The following MAMLD1 variants were observed in gnomAD, a reference collection of about 807,000 sequenced individuals.
MAMLD1 encodes mastermind-like domain-containing protein 1.
In MAMLD1, 14 loss-of-function variants were observed where a neutral mutation model predicts 45.0. The observed-to-expected ratio is 0.31, with a 90% CI of 0.21 to 0.49. MAMLD1 has a LOEUF of 0.49. Ranked by LOEUF, MAMLD1 falls within the 20% of genes least tolerant of loss-of-function variation. MAMLD1 has a pLI of 0.99. For synonymous variants in MAMLD1, 254 were observed against 247.8 expected (o/e 1.02, Z -0.24); for missense variants, 543 against 603.6 (o/e 0.90, Z 1.05).
At chrX:150,381,359 C>T (rs782745800) in intron 1 of MAMLD1, among the ~76,000 whole-genome samples, 10 of 112,198 alleles carry the variant, frequency 8.9e-5, no homozygotes, top group Non-Finnish European at 1.5e-4. Flanking sequence ...CAGAGTTTAC[C>T]AGTTATACAT....
chrX:150,487,080 T>C (rs1353986951), intron 5 of MAMLD1, among the ~76,000 whole-genome samples: 2 of 111,721 alleles, frequency 1.8e-5, no homozygotes, highest in African/African-American at 6.5e-5. Flanking sequence ...TTGTAATAGA[T>C]TTCCAGGGGC....
At chrX:150,477,151 C>T (rs1453969226) in intron 5 of MAMLD1, among the ~76,000 whole-genome samples, 4 of 113,164 alleles carry the variant, frequency 3.5e-5, no homozygotes, top group Non-Finnish European at 5.6e-5. Context: ...GGTCCAAATC[C>T]CAGTTCTGCC....
At chrX:150,428,263 G>T (rs782467328) in intron 1 of MAMLD1, among the ~76,000 whole-genome samples, 1 of 111,894 alleles carries the variant, frequency 8.9e-6, no homozygotes, top group Non-Finnish European at 1.9e-5. Flanking sequence ...TCCACTTCCT[G>T]GGTCCACAAG....
intron 1 of MAMLD1, among the ~76,000 whole-genome samples, chrX:150,419,344 G>C (rs1299777802): frequency 1.3e-4 from 13 of 103,917 alleles, no homozygotes. Flanking sequence ...CTGCACATGA[G>C]ATGGGTTTCC....
At chrX:150,384,015 T>C (rs782479480) in intron 1 of MAMLD1, among the ~76,000 whole-genome samples, 3 of 111,920 alleles carry the variant, frequency 2.7e-5, no homozygotes, top group African/African-American at 9.7e-5. Flanking sequence ...CATTCATCAG[T>C]TGATAGAAAT....
At chrX:150,403,787 C>T (rs1307745182) in intron 1 of MAMLD1, among the ~76,000 whole-genome samples, 1 of 94,761 alleles carries the variant, frequency 1.1e-5, no homozygotes, top group Admixed American at 1.3e-4. Flanking sequence ...CCTGGGGTGA[C>T]AGACTGAGAG....
intron 1 of MAMLD1, among the ~76,000 whole-genome samples, chrX:150,387,063 T>A (rs2032970094): frequency 8.9e-6 from 1 of 111,857 alleles, no homozygotes; most frequent in Non-Finnish European, 1.9e-5. Flanking sequence ...TTTTATTCCT[T>A]ACTATAGACA....
intron 5 of MAMLD1, among the ~76,000 whole-genome samples, chrX:150,479,866 G>A (rs959017855): frequency 2.7e-5 from 3 of 111,956 alleles, no homozygotes; most frequent in South Asian, 3.7e-4. Flanking sequence ...TGAAACTCAC[G>A]GTAGACTTGC....
At chrX:150,397,062 T>C (rs1485283518) in intron 1 of MAMLD1, among the ~76,000 whole-genome samples, 2 of 112,258 alleles carry the variant, frequency 1.8e-5, no homozygotes, top group Non-Finnish European at 3.8e-5. Context: ...TATAGTTCAG[T>C]ATTGTTAAGT....
intron 1 of MAMLD1, among the ~76,000 whole-genome samples, chrX:150,437,349 T>G (rs1262738579): frequency 8.9e-6 from 1 of 111,939 alleles, no homozygotes; most frequent in Non-Finnish European, 1.9e-5. Flanking sequence ...TCTTCTTTTT[T>G]AAAATGTGTG....
At chrX:150,471,565 G>A in intron 4 of MAMLD1, 75 bp downstream of exon 4, 2 of 1,200,787 alleles carry the variant, frequency 1.7e-6, no homozygotes, top group Non-Finnish European at 2.3e-6. Flanking sequence ...CCAATATCTG[G>A]CTCTGGAGGG....
intron 1 of MAMLD1, among the ~76,000 whole-genome samples, chrX:150,398,281 G>GAAGAAGAAGAAGAAC (rs1557402319): frequency 1.4e-4 from 10 of 70,008 alleles, no homozygotes; most frequent in African/African-American, 5.2e-4. Context: ...AGAAGAAGAA[G>GAAGAAGAAGAAGAAC]AAGAAGAAGA....
chrX:150,508,735 C>T (rs1277458550), intron 6 of MAMLD1, among the ~76,000 whole-genome samples: 1 of 112,393 alleles, frequency 8.9e-6, no homozygotes, highest in African/African-American at 3.2e-5. Flanking sequence ...AGGCACTGCA[C>T]GGGCAGCCCG....
intron 1 of MAMLD1, among the ~76,000 whole-genome samples, chrX:150,410,914 A>G (rs782808810): frequency 3.6e-4 from 40 of 112,076 alleles, no homozygotes; most frequent in Non-Finnish European, 5.8e-4. Context: ...GGCTGTGTGG[A>G]GCCCAGGATG....
chrX:150,363,674 A>C (rs1440986551), intron 1 of MAMLD1, 144 bp downstream of exon 1: 1 of 112,351 alleles, frequency 8.9e-6, no homozygotes, highest in Non-Finnish European at 1.9e-5. Context: ...TGCTCTGAGC[A>C]CACGGCCCAC....
chrX:150,427,290 A>G (rs1481764295), intron 1 of MAMLD1, among the ~76,000 whole-genome samples: 1 of 112,346 alleles, frequency 8.9e-6, no homozygotes, highest in African/African-American at 3.2e-5. Context: ...AATCCATAAC[A>G]TCAACATGCA....
At chrX:150,374,100 C>T (rs1382130504) in intron 1 of MAMLD1, among the ~76,000 whole-genome samples, 1 of 112,558 alleles carries the variant, frequency 8.9e-6, no homozygotes, top group Non-Finnish European at 1.9e-5. Flanking sequence ...TGGCTGTTTG[C>T]CTCTTAGGGA....
chrX:150,499,614 T>A (rs1557408446), intron 5 of MAMLD1, among the ~76,000 whole-genome samples: 1 of 111,369 alleles, frequency 9.0e-6, no homozygotes, highest in Non-Finnish European at 1.9e-5. Context: ...GAGGAGCCCA[T>A]GCATTTCCAA....
chrX:150,478,482 C>T (rs2036649529), intron 5 of MAMLD1, among the ~76,000 whole-genome samples: 1 of 112,363 alleles, frequency 8.9e-6, no homozygotes, highest in African/African-American at 3.2e-5. Context: ...GTAAGGCTTG[C>T]GGGAGAGCAA....
Sources: allele counts gnomAD v4.1 joint callset (sites outside exome capture counted in the v4.1 genomes callset), GRCh38; gene constraint gnomAD v4.1.1; transcripts MANE v1.5; gene names NCBI Gene and HGNC (gene_info 2026-07-23, HGNC 2026-07-21).